NAV3: variants seen among roughly 807,000 people sequenced by gnomAD.
NAV3 encodes the protein neuron navigator 3, also known as pore membrane and/or filament interacting like protein 1.
In NAV3, 87 loss-of-function variants were observed where a neutral mutation model predicts 244.7. That is an observed-to-expected ratio of 0.36 (90% CI 0.30 to 0.42). NAV3 has a LOEUF of 0.42. Ranked by LOEUF, NAV3 falls within the 20% of genes least tolerant of loss-of-function variation. The pLI, the probability that NAV3 is intolerant of heterozygous loss-of-function variation, is 1.00. For synonymous variants in NAV3, 1,126 were observed against 1,042.2 expected (o/e 1.08, Z -1.55); for missense variants, 2,663 against 2,893.3 (o/e 0.92, Z 1.83).
Position 77,859,803 on chromosome 12 carries a change from C to G in NAV3, c.243+28099C>G, listed in dbSNP as rs548771086. Reference sequence around the variant, plus strand: ...AAAGACTAAATTGATAATCTTTTTGCTATATCTTTCTAATTTTCAAGAAAT... The same window carrying G: ...AAAGACTAAATTGATAATCTTTTTGGTATATCTTTCTAATTTTCAAGAAAT... On this transcript the variant is annotated intron_variant, in intron 1 of 39. Coordinates refer to ENST00000397909, the MANE Select transcript of NAV3 (RefSeq NM_001024383.2). Among the ~76,000 whole-genome samples the G allele has an allele frequency of 5.4e-5, 7 of 128,598 alleles. No individual in the cohort carries two copies. The South Asian group carries it at 2.0e-3, about 37-fold the overall frequency. The allele number at this position is 128,598 out of a possible 152,430, so 84.4% of individuals were successfully genotyped here. A position where few individuals can be genotyped will look rare whatever the true frequency, so the allele number is the denominator to read the frequency against.
chr12:78,071,569 T>C lies in NAV3; in HGVS notation c.2636+12454T>C, dbSNP rs571380201. On this transcript the variant is annotated intron_variant, in intron 12 of 39. Coordinates refer to ENST00000397909, the MANE Select transcript of NAV3 (RefSeq NM_001024383.2). ...AGCTCTTTAGTTTAATTAGATCCCATTTGTCAATCTCGTCTTTTGTTGCCA... is the reference window on the plus strand; with the variant it reads ...AGCTCTTTAGTTTAATTAGATCCCACTTGTCAATCTCGTCTTTTGTTGCCA... 5.9e-5 allele frequency among the ~76,000 whole-genome samples: 9 copies of C among 152,322 alleles called. No homozygotes were observed. The South Asian group carries it at 1.9e-3, about 32-fold the overall frequency.
At chr12:77,665,583 T>C (rs765856246) in intron 2 of NAV3, among the ~76,000 whole-genome samples, 9 of 152,200 alleles carry the variant, frequency 5.9e-5, no homozygotes, top group Non-Finnish European at 1.0e-4. Context: ...ACTGAGGAGA[T>C]CTCATAATGT....
intron 1 of NAV3, among the ~76,000 whole-genome samples, chr12:77,878,091 G>A (rs1882093600): frequency 2.0e-5 from 3 of 152,034 alleles, no homozygotes; most frequent in Admixed American, 2.0e-4. Flanking sequence ...GAAACTGGTA[G>A]GAAAAAGAGC....
At chr12:77,708,061 A>G (rs965553333) in intron 2 of NAV3, among the ~76,000 whole-genome samples, 1 of 152,136 alleles carries the variant, frequency 6.6e-6, no homozygotes, top group Non-Finnish European at 1.5e-5. Context: ...TCTTTAGTTT[A>G]ATTAGATCCC....
intron 3 of NAV3, among the ~76,000 whole-genome samples, chr12:77,944,875 C>T (rs1395316062): frequency 1.3e-5 from 2 of 152,066 alleles, no homozygotes; most frequent in African/African-American, 4.8e-5. Context: ...AATACGTGGA[C>T]TACCCCAGCA....
chr12:77,878,776 T>C (rs141563383), intron 1 of NAV3, among the ~76,000 whole-genome samples: 386 of 150,272 alleles, frequency 2.6e-3, no homozygotes, highest in African/African-American at 9.1e-3. Flanking sequence ...TGCTCCATTT[T>C]AATTCTATCA....
chr12:77,812,738 T>C (rs552496457), intron 2 of NAV3, among the ~76,000 whole-genome samples: 2 of 152,260 alleles, frequency 1.3e-5, no homozygotes, highest in South Asian at 2.1e-4. Flanking sequence ...AGGAATTTAA[T>C]TTCTAATGTG....
chr12:77,582,830 C>T (rs1170433999), intron 2 of NAV3, among the ~76,000 whole-genome samples: 1 of 152,256 alleles, frequency 6.6e-6, no homozygotes, highest in Middle Eastern at 3.4e-3. Context: ...GGAACCGGGG[C>T]CTGTCACAGA....
intron 1 of NAV3, among the ~76,000 whole-genome samples, chr12:77,939,251 A>G (rs945983444): frequency 6.6e-6 from 1 of 152,074 alleles, no homozygotes; most frequent in Non-Finnish European, 1.5e-5. Flanking sequence ...TACAGTTTTT[A>G]CTGCTGTGTC....
intron 3 of NAV3, chr12:77,950,704 TG>T (rs1890788752): frequency 2.6e-5 from 4 of 152,180 alleles, no homozygotes; most frequent in Admixed American, 2.6e-4. Context: ...AGCATGGTAC[TG>T]GTACAAAAAC....
At chr12:77,696,022 A>T (rs772244974) in intron 2 of NAV3, among the ~76,000 whole-genome samples, 8 of 152,158 alleles carry the variant, frequency 5.3e-5, no homozygotes, top group Non-Finnish European at 1.2e-4. Flanking sequence ...TAGGAATAAC[A>T]CTACATCAGT....
chr12:77,628,687 C>T (rs890557578), intron 2 of NAV3, among the ~76,000 whole-genome samples: 1 of 151,878 alleles, frequency 6.6e-6, no homozygotes, highest in Non-Finnish European at 1.5e-5. Flanking sequence ...AGTTGGAGAT[C>T]AGCCTGGGCA....
Position 78,059,961 on chromosome 12 carries a change from A to ATGTG in NAV3, c.2636+864_2636+867dup, listed in dbSNP as rs55881265. 4.4e-3 allele frequency among the ~76,000 whole-genome samples: 658 copies of ATGTG among 149,658 alleles called. 7 individuals carry two copies. Among genetic ancestry groups the ATGTG allele is most frequent in the Non-Finnish European group, 5.6e-3 (375 of 67,246 alleles). Reference sequence around the variant, plus strand: ...CTTTATTGCCTCAAATTTCTTAAAGATGTGTGTGTGTGTGTGTGTGTCTGT... The same window carrying ATGTG: ...CTTTATTGCCTCAAATTTCTTAAAGATGTGTGTGTGTGTGTGTGTGTGTGTCTGT... On this transcript the variant is annotated intron_variant, in intron 12 of 39. Transcript: ENST00000397909.
intron 2 of NAV3, among the ~76,000 whole-genome samples, chr12:77,665,741 C>A (rs1462726170): frequency 6.6e-6 from 1 of 152,118 alleles, no homozygotes; most frequent in Non-Finnish European, 1.5e-5. Flanking sequence ...ATAGTTGAAG[C>A]AACTGAGGCT....
At chr12:77,747,857 G>A (rs1025815045) in intron 2 of NAV3, among the ~76,000 whole-genome samples, 6 of 152,006 alleles carry the variant, frequency 3.9e-5, no homozygotes, top group African/African-American at 7.2e-5. Flanking sequence ...CACAGGAAGG[G>A]GAACATCACA....
intron 23 of NAV3, among the ~76,000 whole-genome samples, chr12:78,160,594 T>A (rs1207073757): frequency 6.6e-6 from 1 of 152,144 alleles, no homozygotes; most frequent in Non-Finnish European, 1.5e-5. Flanking sequence ...TGTGATTAGC[T>A]TTACAAAAGT....
At chr12:78,045,468 TA>T (rs1881626848) in intron 9 of NAV3, among the ~76,000 whole-genome samples, 2 of 152,110 alleles carry the variant, frequency 1.3e-5, no homozygotes, top group Admixed American at 1.3e-4. Flanking sequence ...GCTAATTTTG[TA>T]TTTTTAGTAG....
At chr12:78,057,102 G>T (rs1883620958) in intron 11 of NAV3, among the ~76,000 whole-genome samples, 1 of 152,104 alleles carries the variant, frequency 6.6e-6, no homozygotes, top group Non-Finnish European at 1.5e-5. Context: ...TCAGAGAAAG[G>T]CCTCTTACTC....
chr12:77,936,968 A>T (rs1283265994), intron 1 of NAV3, among the ~76,000 whole-genome samples: 1 of 152,178 alleles, frequency 6.6e-6, no homozygotes, highest in Non-Finnish European at 1.5e-5. Flanking sequence ...ATATTTTAAA[A>T]TATATTTACA....
Sources: allele counts gnomAD v4.1 joint callset (sites outside exome capture counted in the v4.1 genomes callset), GRCh38; gene constraint gnomAD v4.1.1; transcripts MANE v1.5; gene names NCBI Gene and HGNC (gene_info 2026-07-23, HGNC 2026-07-21).